Variants in TYR observed in about 807,000 individuals in gnomAD.
TYR encodes tyrosinase.
TYR carries 58 observed loss-of-function variants against 51.5 expected under a neutral mutation model. That is an observed-to-expected ratio of 1.13 (90% CI 0.91 to 1.40). The LOEUF is 1.40. Among genes scored for constraint, TYR ranks in the 40% most tolerant of loss-of-function variants. The pLI is 0.00. For synonymous variants in TYR, 263 were observed against 235.2 expected (o/e 1.12, Z -1.08); for missense variants, 732 against 647.4 (o/e 1.13, Z -1.42).
At chr11:89,260,653 TA>T (rs901037173) in intron 3 of TYR, among the ~76,000 whole-genome samples, 4 of 152,166 alleles carry the variant, frequency 2.6e-5, no homozygotes, top group African/African-American at 9.6e-5. Context: ...TAGATAAATT[TA>T]AAAGACTACA....
intron 4 of TYR, among the ~76,000 whole-genome samples, chr11:89,291,691 G>T (rs946478847): frequency 1.3e-5 from 2 of 151,872 alleles, no homozygotes; most frequent in African/African-American, 4.8e-5. Flanking sequence ...AAAGAGTGCT[G>T]CAAGTCTTAT....
chr11:89,229,718 T>C (rs1944021669), intron 3 of TYR, among the ~76,000 whole-genome samples: 1 of 151,938 alleles, frequency 6.6e-6, no homozygotes, highest in Admixed American at 6.6e-5. Flanking sequence ...AAATGCAACA[T>C]ACAAAAAATT....
intron 3 of TYR, among the ~76,000 whole-genome samples, chr11:89,265,390 C>T (rs555239197): frequency 2.6e-5 from 4 of 152,152 alleles, no homozygotes; most frequent in South Asian, 2.1e-4. Flanking sequence ...CCTCTGCCTT[C>T]GCCACTTGGC....
intron 1 of TYR, among the ~76,000 whole-genome samples, chr11:89,181,730 C>A (rs1339160370): frequency 6.6e-6 from 1 of 151,948 alleles, no homozygotes; most frequent in Non-Finnish European, 1.5e-5. Context: ...TATTAAAAAA[C>A]TATAGAAAAG....
At position 89,177,917 on chromosome 11, in the gene TYR, G is replaced by A. The variant is rs755069000; in HGVS notation, c.-37G>A. ...AAAGAGAAATCTGTGACTCCAATTA[G>A]CCAGTTCCTGCAGACCTTGTGAGGA... On this transcript the variant is annotated 5_prime_UTR_variant, in exon 1 of 5. Transcript: ENST00000263321. 118 of 1,603,282 alleles carry A rather than the reference G, an allele frequency of 7.4e-5. No homozygotes were observed. The highest frequency in any genetic ancestry group is 9.0e-5 in the Non-Finnish European group (106 of 1,171,664).
intron 3 of TYR, among the ~76,000 whole-genome samples, chr11:89,247,843 T>C (rs1245103583): frequency 6.6e-6 from 1 of 152,112 alleles, no homozygotes; most frequent in Non-Finnish European, 1.5e-5. Flanking sequence ...AGCATGACTG[T>C]AGGATAGATC....
At chr11:89,278,444 T>C (rs1436569317) in intron 3 of TYR, among the ~76,000 whole-genome samples, 1 of 151,692 alleles carries the variant, frequency 6.6e-6, no homozygotes. Context: ...ATTTTTTAAA[T>C]ATATGAATGA....
At chr11:89,231,170 CAA>C (rs1156577257) in intron 3 of TYR, among the ~76,000 whole-genome samples, 7 of 65,596 alleles carry the variant, frequency 1.1e-4, no homozygotes, top group African/African-American at 2.5e-4. Context: ...GACTTCGTCT[CAA>C]AAAAAAAAAA....
intron 3 of TYR, among the ~76,000 whole-genome samples, chr11:89,262,425 A>G (rs1425307303): frequency 7.9e-5 from 12 of 152,046 alleles, no homozygotes; most frequent in Non-Finnish European, 1.5e-4. Flanking sequence ...CATAACCACC[A>G]GCCTTAGAAA....
rs905942064 is a variant in TYR at position 89,182,161 on chromosome 11, G to A, written c.819+3389G>A. On this transcript the variant is annotated intron_variant, in intron 1 of 4. Coordinates refer to ENST00000263321, the MANE Select transcript of TYR (RefSeq NM_000372.5). Reference sequence around the variant, plus strand: ...CCAGCCTGTCTGTATCTGCCAGCCTGTCAGTCGCTCCAAGGTGGTGATCAT... The same window carrying A: ...CCAGCCTGTCTGTATCTGCCAGCCTATCAGTCGCTCCAAGGTGGTGATCAT... Among the ~76,000 whole-genome samples the A allele has an allele frequency of 7.2e-5, 11 of 152,264 alleles. No individual in the cohort carries two copies. In the South Asian group the frequency reaches 8.3e-4, roughly 11 times the overall value.
At chr11:89,253,731 T>A (rs1944356997) in intron 3 of TYR, among the ~76,000 whole-genome samples, 1 of 151,470 alleles carries the variant, frequency 6.6e-6, no homozygotes, top group Admixed American at 6.6e-5. Context: ...TTTGGAAGAG[T>A]CTTCAGGTTT....
chr11:89,237,555 T>C (rs75659639), intron 3 of TYR, among the ~76,000 whole-genome samples: 2 of 152,198 alleles, frequency 1.3e-5, no homozygotes, highest in African/African-American at 4.8e-5. Flanking sequence ...TCAATATGTC[T>C]GTTTCTATGC....
chr11:89,217,783 C>T (rs1943851312), intron 2 of TYR, among the ~76,000 whole-genome samples: 1 of 152,098 alleles, frequency 6.6e-6, no homozygotes, highest in African/African-American at 2.4e-5. Context: ...AGATAATTTT[C>T]TCTTTCTTAC....
chr11:89,222,308 G>A (rs1459521202), intron 2 of TYR, among the ~76,000 whole-genome samples: 1 of 152,160 alleles, frequency 6.6e-6, no homozygotes, highest in Non-Finnish European at 1.5e-5. Context: ...CCAAGTGCCT[G>A]AGTCCCATTC....
intron 2 of TYR, among the ~76,000 whole-genome samples, chr11:89,206,661 T>TAAC (rs137986111): frequency 0.5 from 75,820 of 151,520 alleles, 21,635 homozygotes; most frequent in African/African-American, 0.8. Context: ...TTCCATTCAA[T>TAAC]AACAACAACA....
chr11:89,250,859 T>C (rs940575098), intron 3 of TYR, among the ~76,000 whole-genome samples: 2 of 151,966 alleles, frequency 1.3e-5, no homozygotes, highest in African/African-American at 4.8e-5. Context: ...TTCAGCCTGT[T>C]ACAAGTAGTG....
intron 4 of TYR, among the ~76,000 whole-genome samples, chr11:89,294,457 G>A (rs1410083241): frequency 6.6e-6 from 1 of 152,104 alleles, no homozygotes; most frequent in Non-Finnish European, 1.5e-5. Flanking sequence ...CCAGGCCCCT[G>A]CCCTCCAGCA....
chr11:89,182,965 G>A (rs547930805), intron 1 of TYR, among the ~76,000 whole-genome samples: 1 of 152,008 alleles, frequency 6.6e-6, no homozygotes, highest in Admixed American at 6.6e-5. Flanking sequence ...GCAAAGAGAA[G>A]AAAAAAAGTC....
chr11:89,250,554 A>C (rs913019552), intron 3 of TYR, among the ~76,000 whole-genome samples: 4 of 151,838 alleles, frequency 2.6e-5, no homozygotes, highest in Non-Finnish European at 5.9e-5. Flanking sequence ...AAAAAACATA[A>C]ATTTATTTTC....
Sources: gnomAD v4.1 joint callset for allele counts (sites outside exome capture counted in the v4.1 genomes callset) on GRCh38, gnomAD v4.1.1 for gene constraint, MANE v1.5 for transcripts, NCBI Gene and HGNC (gene_info 2026-07-23, HGNC 2026-07-21) for gene names.